Variants in MEOX2 observed in about 807,000 individuals in gnomAD.
MEOX2 encodes mesenchyme homeobox 2.
MEOX2 carries 11 observed loss-of-function variants against 27.0 expected under a neutral mutation model. The ratio of observed to expected loss-of-function variants is 0.41; its 90% confidence interval spans 0.26 to 0.68. The LOEUF is 0.68. Ranked by LOEUF, MEOX2 falls within the 30% of genes least tolerant of loss-of-function variation. MEOX2 has a pLI of 0.33. For synonymous variants in MEOX2, 189 were observed against 155.4 expected (o/e 1.22, Z -1.61); for missense variants, 436 against 385.4 (o/e 1.13, Z -1.10).
At chr7:15,660,189 C>T (rs1025279140) in intron 1 of MEOX2, among the ~76,000 whole-genome samples, 2 of 152,048 alleles carry the variant, frequency 1.3e-5, no homozygotes, top group Admixed American at 1.3e-4. Context: ...ATAGCAAGAA[C>T]ACAATCTAGA....
At chr7:15,614,054 TG>T (rs149761321) in intron 2 of MEOX2, among the ~76,000 whole-genome samples, 71,719 of 149,772 alleles carry the variant, frequency 0.48, 18,747 homozygotes, top group Non-Finnish European at 0.6. Context: ...ATTTATCTAT[TG>T]TTTCTTTTAT....
At chr7:15,665,082 CACAA>C (rs1243679116) in intron 1 of MEOX2, among the ~76,000 whole-genome samples, 1 of 149,730 alleles carries the variant, frequency 6.7e-6, no homozygotes, top group Non-Finnish European at 1.5e-5. Context: ...CACACACACA[CACAA>C]AGCCTCTACT....
chr7:15,657,066 A>G (rs1228877548), intron 1 of MEOX2, among the ~76,000 whole-genome samples: 1 of 152,210 alleles, frequency 6.6e-6, no homozygotes, highest in South Asian at 2.1e-4. Context: ...ATCATTGAAA[A>G]ATTGCTCTTC....
intron 1 of MEOX2, among the ~76,000 whole-genome samples, chr7:15,652,239 T>C (rs970835821): frequency 2.6e-5 from 4 of 152,080 alleles, no homozygotes; most frequent in African/African-American, 2.4e-5. Flanking sequence ...GACTGATTTA[T>C]AGGATATTTT....
Position 15,643,724 on chromosome 7 carries a change from C to T in MEOX2, c.518-16806G>A, listed in dbSNP as rs972249005. ...TTTCATGAAGGGAGGGGTGCCCAGCCGCTGTGCCCCTAAACAAACCTGTGC... is the reference window on the plus strand; with the variant it reads ...TTTCATGAAGGGAGGGGTGCCCAGCTGCTGTGCCCCTAAACAAACCTGTGC... On this transcript the variant is annotated intron_variant, in intron 1 of 2. Coordinates refer to ENST00000262041, the MANE Select transcript of MEOX2 (RefSeq NM_005924.5). Among the ~76,000 whole-genome samples, 17 of 152,158 alleles carry T rather than the reference C, an allele frequency of 1.1e-4. 1 individual carries two copies. Among genetic ancestry groups the T allele is most frequent in the Admixed American group, 8.5e-4 (13 of 15,272 alleles).
At position 15,685,714 on chromosome 7, in the gene MEOX2, C is replaced by G. The variant is rs569547823; in HGVS notation, c.517+172G>C. ...ATTGCTCTCGAATAAACACGTGTCC[C>G]CAAATATCAGGACCAAAGCTTCACC... On this transcript the variant is annotated intron_variant, in intron 1 of 2. Transcript: ENST00000262041. 2.9e-4 allele frequency among the ~76,000 whole-genome samples: 44 copies of G among 152,350 alleles called. No homozygotes were observed. In the Middle Eastern group the frequency reaches 0.014, roughly 47 times the overall value.
intron 1 of MEOX2, among the ~76,000 whole-genome samples, chr7:15,652,799 C>G (rs1337537602): frequency 2.6e-5 from 4 of 151,982 alleles, no homozygotes; most frequent in South Asian, 4.1e-4. Flanking sequence ...GCTATAAATA[C>G]ATCAACAGCT....
chr7:15,645,618 T>G (rs1343901610), intron 1 of MEOX2, among the ~76,000 whole-genome samples: 1 of 152,148 alleles, frequency 6.6e-6, no homozygotes, highest in Non-Finnish European at 1.5e-5. Flanking sequence ...AATTGGTTGG[T>G]AAAAAACACC....
At chr7:15,648,785 C>G (rs1174802648) in intron 1 of MEOX2, among the ~76,000 whole-genome samples, 1 of 151,994 alleles carries the variant, frequency 6.6e-6, no homozygotes. Context: ...ATCAAGGGTT[C>G]TTTGTTTAGA....
intron 1 of MEOX2, among the ~76,000 whole-genome samples, chr7:15,645,072 A>G (rs1454406851): frequency 6.6e-6 from 1 of 152,212 alleles, no homozygotes; most frequent in Non-Finnish European, 1.5e-5. Context: ...AGATTAAGGT[A>G]AGGAGGTATG....
intron 1 of MEOX2, among the ~76,000 whole-genome samples, chr7:15,675,819 A>G (rs1182666806): frequency 6.6e-6 from 1 of 152,198 alleles, no homozygotes. Flanking sequence ...ATTATCGGAC[A>G]TTTAATATTT....
chr7:15,663,360 TCTCA>T (rs1190289431), intron 1 of MEOX2, among the ~76,000 whole-genome samples: 2 of 147,964 alleles, frequency 1.4e-5, no homozygotes, highest in East Asian at 4.0e-4. Flanking sequence ...TGAGACGGAG[TCTCA>T]CTCAGTCACC....
chr7:15,653,925 A>G (rs1466640311), intron 1 of MEOX2, among the ~76,000 whole-genome samples: 1 of 151,984 alleles, frequency 6.6e-6, no homozygotes, highest in East Asian at 1.9e-4. Flanking sequence ...TATACATTTT[A>G]GAAAATCCCA....
chr7:15,658,988 ATG>A (rs1182417060), intron 1 of MEOX2, among the ~76,000 whole-genome samples: 1 of 152,140 alleles, frequency 6.6e-6, no homozygotes, highest in Non-Finnish European at 1.5e-5. Flanking sequence ...TTTACATATA[ATG>A]TCCAATGAGC....
intron 1 of MEOX2, among the ~76,000 whole-genome samples, chr7:15,657,742 T>A (rs1270053877): frequency 6.6e-6 from 1 of 152,236 alleles, no homozygotes; most frequent in East Asian, 1.9e-4. Flanking sequence ...TTCATTCAAC[T>A]TTAGATTTAC....
At chr7:15,684,935 C>T (rs1033360888) in intron 1 of MEOX2, among the ~76,000 whole-genome samples, 2 of 152,234 alleles carry the variant, frequency 1.3e-5, no homozygotes, top group African/African-American at 4.8e-5. Flanking sequence ...ACAATTTATT[C>T]GGCACGTTGT....
At chr7:15,646,729 G>C (rs764159572) in intron 1 of MEOX2, among the ~76,000 whole-genome samples, 5 of 151,826 alleles carry the variant, frequency 3.3e-5, no homozygotes, top group Non-Finnish European at 5.9e-5. Flanking sequence ...ACCAATATTT[G>C]TCACTTAAAA....
intron 1 of MEOX2, among the ~76,000 whole-genome samples, chr7:15,645,520 T>C (rs1327499955): frequency 6.6e-6 from 1 of 152,206 alleles, no homozygotes; most frequent in Non-Finnish European, 1.5e-5. Flanking sequence ...TCTTTTAAGA[T>C]GGATGTTGGA....
Position 15,640,833 on chromosome 7 carries a change from A to G in MEOX2, c.518-13915T>C, listed in dbSNP as rs142935827. On this transcript the variant is annotated intron_variant, in intron 1 of 2. Transcript: ENST00000262041. Reference sequence around the variant, plus strand: ...TTTACATAGTGAATCATATTTATTGAGTTGTGTATGTTGAACTATCCTTGC... The same window carrying G: ...TTTACATAGTGAATCATATTTATTGGGTTGTGTATGTTGAACTATCCTTGC... Among the ~76,000 whole-genome samples the G allele has an allele frequency of 1.4e-4, 22 of 152,246 alleles. No homozygotes were observed. The East Asian group carries it at 4.1e-3, about 28-fold the overall frequency.
Sources: allele counts gnomAD v4.1 joint callset (sites outside exome capture counted in the v4.1 genomes callset), GRCh38; gene constraint gnomAD v4.1.1; transcripts MANE v1.5; gene names NCBI Gene and HGNC (gene_info 2026-07-23, HGNC 2026-07-21).